The following ABCD3 variants were observed in gnomAD, a reference collection of about 807,000 sequenced individuals.
ABCD3 encodes the protein ATP-binding cassette sub-family D member 3.
Under a neutral mutation model 105.5 loss-of-function variants are expected in ABCD3, and 41 were observed. That is an observed-to-expected ratio of 0.39 (90% confidence interval 0.30 to 0.50). The LOEUF is 0.50. ABCD3 is among the 20% of genes least tolerant of loss of function. The pLI is 0.84. For missense variants in ABCD3, 622 were observed against 806.3 expected, an observed-to-expected ratio of 0.77 and a Z score of 2.77; for synonymous variants, 258 against 269.0, an observed-to-expected ratio of 0.96 and a Z score of 0.40.
chr1:94,389,976 G>A, the ABCD3 span, among the ~76,000 whole-genome samples: 2 of 152,208 alleles, frequency 1.3e-5, no homozygotes, highest in Admixed American at 1.3e-4. Context: ...CAGAGAGCAA[G>A]AGTGTTAATA....
At chr1:94,431,606 G>T (rs755364907) in intron 1 of ABCD3, among the ~76,000 whole-genome samples, 14 of 152,058 alleles carry the variant, frequency 9.2e-5, no homozygotes, top group Non-Finnish European at 1.9e-4. Flanking sequence ...CTGTGGCCTG[G>T]GCTGGAGTAC....
At chr1:94,431,148 A>G (rs541241387) in intron 1 of ABCD3, among the ~76,000 whole-genome samples, 1 of 152,222 alleles carries the variant, frequency 6.6e-6, no homozygotes, top group South Asian at 2.1e-4. Flanking sequence ...ATGAAAGTCA[A>G]ACTTCTGACT....
At chr1:94,454,899 G>A (rs1218643768) in intron 1 of ABCD3, among the ~76,000 whole-genome samples, 1 of 152,176 alleles carries the variant, frequency 6.6e-6, no homozygotes, top group East Asian at 1.9e-4. Context: ...CGATCCACTA[G>A]CCTTGGCCTC....
At chr1:94,453,510 G>C (rs1437457491) in intron 1 of ABCD3, among the ~76,000 whole-genome samples, 15 of 151,722 alleles carry the variant, frequency 9.9e-5, no homozygotes, top group African/African-American at 3.6e-4. Flanking sequence ...AGTAGAGATG[G>C]GGTTTCACCT....
intron 1 of ABCD3, among the ~76,000 whole-genome samples, chr1:94,452,012 G>T (rs1394123252): frequency 2.6e-5 from 4 of 151,982 alleles, no homozygotes; most frequent in Non-Finnish European, 5.9e-5. Context: ...CACTGTCTTT[G>T]TTCAGGCATT....
intron 1 of ABCD3, among the ~76,000 whole-genome samples, chr1:94,458,092 G>A (rs529882755): frequency 1.3e-5 from 2 of 152,174 alleles, no homozygotes; most frequent in Non-Finnish European, 2.9e-5. Context: ...TGGGCATACT[G>A]CTTACTCTCT....
the ABCD3 span, among the ~76,000 whole-genome samples, chr1:94,397,296 A>G: frequency 6.6e-6 from 1 of 152,152 alleles, no homozygotes; most frequent in East Asian, 1.9e-4. Flanking sequence ...CTTCATTTCA[A>G]TTTCCCCAGC....
the ABCD3 span, among the ~76,000 whole-genome samples, chr1:94,394,178 A>G: frequency 1.3e-5 from 2 of 152,240 alleles, no homozygotes; most frequent in South Asian, 4.1e-4. Context: ...CATGTGATTT[A>G]CAAAGGCAAC....
chr1:94,504,059 C>T (rs1356622257), intron 20 of ABCD3, among the ~76,000 whole-genome samples: 4 of 151,646 alleles, frequency 2.6e-5, no homozygotes, highest in African/African-American at 9.7e-5. Flanking sequence ...ACTACAGGCA[C>T]GCATCACCAT....
At chr1:94,456,254 AATTTTTTTT>A (rs1280195321) in intron 1 of ABCD3, among the ~76,000 whole-genome samples, 1 of 125,356 alleles carries the variant, frequency 8.0e-6, no homozygotes, top group African/African-American at 3.0e-5. Flanking sequence ...CAAATGACAG[AATTTTTTTT>A]TTTTTTTTTT....
At chr1:94,440,271 CTT>C (rs1179424664) in intron 1 of ABCD3, among the ~76,000 whole-genome samples, 1 of 152,062 alleles carries the variant, frequency 6.6e-6, no homozygotes, top group African/African-American at 2.4e-5. Context: ...TTTAGGATAA[CTT>C]TTCTAATTTA....
intron 2 of ABCD3, among the ~76,000 whole-genome samples, chr1:94,462,664 C>G (rs1050757541): frequency 6.6e-6 from 1 of 151,890 alleles, no homozygotes; most frequent in African/African-American, 2.4e-5. Context: ...TTCTTTTTTT[C>G]TAACTTTCCT....
chr1:94,462,671 T>C (rs188951100), intron 2 of ABCD3, among the ~76,000 whole-genome samples: 32 of 152,322 alleles, frequency 2.1e-4, no homozygotes, highest in African/African-American at 7.5e-4. Context: ...TTTCTAACTT[T>C]CCTCATTGTT....
rs1650855712 is a variant in ABCD3 at position 94,515,006 on chromosome 1, C to G, written c.1846-140C>G. ...TCCATTGCTATAAACATTTTGCATC[C>G]AGTTGTAAATTTTTTCTCATTGACA... is the stretch of plus-strand genomic sequence containing the variant. On this transcript the variant is annotated intron_variant, in intron 21 of 22. Transcript: ENST00000370214. The G allele has an allele frequency of 4.5e-6, 3 of 670,902 alleles. No homozygotes were observed. The Admixed American group carries it at 7.3e-5, about 16-fold the overall frequency. The allele number at this position is 670,902 out of a possible 1,614,324, so 41.6% of individuals were successfully genotyped here. A position where few individuals can be genotyped will look rare whatever the true frequency, so the allele number is the denominator to read the frequency against.
At chr1:94,388,464 A>G in the ABCD3 span, among the ~76,000 whole-genome samples, 2 of 152,242 alleles carry the variant, frequency 1.3e-5, no homozygotes, top group Non-Finnish European at 2.9e-5. Context: ...ACATGCTACA[A>G]GTGGCTAAAA....
chr1:94,420,562 T>C (rs907440638), intron 1 of ABCD3, among the ~76,000 whole-genome samples: 1 of 152,134 alleles, frequency 6.6e-6, no homozygotes. Context: ...AATCTCTATT[T>C]TACACAGTAT....
chr1:94,449,257 C>T (rs1190839829), intron 1 of ABCD3, among the ~76,000 whole-genome samples: 2 of 152,156 alleles, frequency 1.3e-5, no homozygotes, highest in Admixed American at 6.5e-5. Context: ...TGAGGAGGAT[C>T]CCAACTGTCA....
At chr1:94,480,786 CTT>C (rs1013465614) in intron 9 of ABCD3, among the ~76,000 whole-genome samples, 180 bp downstream of exon 9, 5 of 152,086 alleles carry the variant, frequency 3.3e-5, no homozygotes, top group African/African-American at 9.6e-5. Context: ...ATTTTGAACT[CTT>C]TTTCTTACTA....
intron 20 of ABCD3, among the ~76,000 whole-genome samples, chr1:94,504,201 G>T (rs1270845197): frequency 6.6e-6 from 1 of 151,626 alleles, no homozygotes; most frequent in Non-Finnish European, 1.5e-5. Flanking sequence ...GTGAGCTGCT[G>T]CGCCCGGCCA....
Sources: allele counts gnomAD v4.1 joint callset (sites outside exome capture counted in the v4.1 genomes callset), GRCh38; gene constraint gnomAD v4.1.1; transcripts MANE v1.5; gene names NCBI Gene and HGNC (gene_info 2026-07-23, HGNC 2026-07-21).